The following MS4A5 variants were observed in gnomAD, a reference collection of about 807,000 sequenced individuals.
MS4A5 encodes the protein membrane-spanning 4-domains subfamily A member 5.
A neutral mutation model predicts 18.2 loss-of-function variants in MS4A5; 15 were observed. That is an observed-to-expected ratio of 0.83 (90% CI 0.55 to 1.27). The LOEUF (loss-of-function observed/expected upper bound fraction) is 1.27, where lower values mean the gene tolerates loss of function less well. Ranked by LOEUF, MS4A5 falls within the 50% of genes most tolerant of loss-of-function variation. The probability of loss-of-function intolerance (pLI) is 0.00; values close to 1 mark genes in which losing one functional copy is unlikely to be tolerated. For synonymous variants in MS4A5, 89 were observed against 78.7 expected (o/e 1.13, Z -0.69); for missense variants, 232 against 225.7 (o/e 1.03, Z -0.18).
rs773276973 is a variant in MS4A5, at chr11:60,430,973, T to C, written c.282+49T>C. On this transcript the variant is annotated intron_variant, in intron 2 of 4. Transcript: ENST00000300190. ...ATTTGAAGCCATGCCAACCAGGATG[T>C]TAGGGAATTCTTCACAATGAAATAA... is the stretch of plus-strand genomic sequence containing the variant. The C allele has an allele frequency of 7.6e-6, 12 of 1,577,098 alleles. No individual in the cohort carries two copies. The South Asian group carries it at 1.4e-4, about 18-fold the overall frequency.
intron 4 of MS4A5, among the ~76,000 whole-genome samples, chr11:60,436,674 G>A (rs61321360): frequency 0.044 from 5,838 of 133,780 alleles, 684 homozygotes; most frequent in African/African-American, 0.14. Flanking sequence ...GGGTATCAGC[G>A]ATGGAAGATG....
At position 60,433,837 on chromosome 11, in the gene MS4A5, G is replaced by T. The variant is rs541606192; in HGVS notation, c.412G>T (p.Gly138Cys). 1.2e-6 allele frequency: 2 copies of T among 1,613,816 alleles called. No homozygotes were observed. The highest frequency in any genetic ancestry group is 1.3e-5 in the African/African-American group (1 of 75,012). Residue 138 changes from glycine to cysteine, a missense_variant, in exon 4 of 5, where the codon GGT becomes TGT. Physicochemically the swap from Gly to Cys is radical, Grantham distance 159. Transcript: ENST00000300190. Reference protein sequence around the residue: ...AIAGIILLTFGFILDQNYICG... With the variant: ...AIAGIILLTFCFILDQNYICG... ...AGCTGGAATCATTCTCCTCACATTT[G>T]GTTTCATCCTAGATCAAAACTACAT...
chr11:60,444,907 T>C (rs902846476), intron 4 of MS4A5, among the ~76,000 whole-genome samples: 2 of 152,246 alleles, frequency 1.3e-5, no homozygotes, highest in Non-Finnish European at 2.9e-5. Flanking sequence ...TCTCATGATA[T>C]AGACAAAAAT....
intron 4 of MS4A5, among the ~76,000 whole-genome samples, chr11:60,446,993 A>G (rs180989763): frequency 2.6e-5 from 4 of 151,120 alleles, no homozygotes; most frequent in African/African-American, 9.9e-5. Flanking sequence ...TCAAAAATGT[A>G]TTTTTATATG....
intron 2 of MS4A5, 130 bp downstream of exon 2, chr11:60,431,054 A>C: frequency 1.1e-6 from 1 of 945,202 alleles, no homozygotes; most frequent in Non-Finnish European, 1.6e-6. Flanking sequence ...ACCTTGTTGA[A>C]ATTATTTCCC....
chr11:60,443,223 T>C (rs912456761), intron 4 of MS4A5, among the ~76,000 whole-genome samples: 7 of 152,146 alleles, frequency 4.6e-5, no homozygotes, highest in African/African-American at 1.7e-4. Flanking sequence ...TAGAACATTT[T>C]CAAGAATTAG....
intron 4 of MS4A5, among the ~76,000 whole-genome samples, chr11:60,443,003 T>C (rs150289543): frequency 0.04 from 6,128 of 152,144 alleles, 331 homozygotes; most frequent in African/African-American, 0.1. Flanking sequence ...TAGCAGGGCA[T>C]GGTGGTGGGC....
At chr11:60,441,456 T>TAAAAA (rs201729443) in intron 4 of MS4A5, among the ~76,000 whole-genome samples, 28 of 105,816 alleles carry the variant, frequency 2.6e-4, no homozygotes, top group Non-Finnish European at 3.5e-4. Context: ...AAAAGGCCAT[T>TAAAAA]AAAAAAAAAA....
intron 4 of MS4A5, among the ~76,000 whole-genome samples, chr11:60,437,950 G>T (rs912112489): frequency 1.3e-5 from 2 of 151,968 alleles, no homozygotes; most frequent in Admixed American, 6.6e-5. Context: ...AACTCTCCAC[G>T]CCAAATCAAC....
At chr11:60,435,255 G>T (rs1313491289) in intron 4 of MS4A5, among the ~76,000 whole-genome samples, 1 of 151,570 alleles carries the variant, frequency 6.6e-6, no homozygotes, top group Non-Finnish European at 1.5e-5. Flanking sequence ...AAAATTAACA[G>T]TAAGCACTCA....
intron 4 of MS4A5, among the ~76,000 whole-genome samples, chr11:60,437,788 C>T (rs1034215017): frequency 4.0e-5 from 6 of 150,896 alleles, no homozygotes; most frequent in African/African-American, 1.5e-4. Context: ...CCTGAGTGAC[C>T]TACAAAGAGA....
chr11:60,434,037 C>G, intron 4 of MS4A5, 120 bp downstream of exon 4: 1 of 889,114 alleles, frequency 1.1e-6, no homozygotes, highest in East Asian at 2.5e-5. Flanking sequence ...TACTGACAAA[C>G]ATTTATGAAA....
chr11:60,435,931 C>T (rs1025906116), intron 4 of MS4A5, among the ~76,000 whole-genome samples: 7 of 152,244 alleles, frequency 4.6e-5, no homozygotes, highest in African/African-American at 1.4e-4. Flanking sequence ...GATCCCACGA[C>T]AGCTCAAGGA....
At chr11:60,435,073 G>A (rs894589) in intron 4 of MS4A5, among the ~76,000 whole-genome samples, 2,184 of 152,232 alleles carry the variant, frequency 0.014, 53 homozygotes, top group African/African-American at 0.05. Flanking sequence ...CTCCTTGCAC[G>A]CCCCAATCCC....
At chr11:60,446,979 TA>T (rs1202566915) in intron 4 of MS4A5, among the ~76,000 whole-genome samples, 2 of 152,162 alleles carry the variant, frequency 1.3e-5, no homozygotes, top group African/African-American at 4.8e-5. Flanking sequence ...CCTACATATA[TA>T]AATCAAAAAT....
Position 60,433,936 on chromosome 11 carries a change from T to C in MS4A5, c.492+19T>C, listed in dbSNP as rs747941934. 6.2e-6 allele frequency: 10 copies of C among 1,610,520 alleles called. No individual in the cohort carries two copies. Among genetic ancestry groups the C allele is most frequent in the Middle Eastern group, 1.6e-4 (1 of 6,078 alleles). ...GTTCTTGGTAAGTATGTTGCATTTA[T>C]AGAGTGATGAGTAAAGGGCTTAATA... On this transcript the variant is annotated intron_variant, in intron 4 of 4. Coordinates refer to ENST00000300190, the MANE Select transcript of MS4A5 (RefSeq NM_023945.3).
At chr11:60,446,744 A>C (rs1223050027) in intron 4 of MS4A5, among the ~76,000 whole-genome samples, 2 of 151,800 alleles carry the variant, frequency 1.3e-5, no homozygotes, top group Admixed American at 6.6e-5. Flanking sequence ...AAAAAAAAAA[A>C]AAAGACAAAA....
Position 60,433,926 on chromosome 11 carries a change from G to GTTGCAT in MS4A5, c.492+12_492+17dup. On this transcript the variant is annotated intron_variant, in intron 4 of 4. Coordinates refer to ENST00000300190, the MANE Select transcript of MS4A5 (RefSeq NM_023945.3). Reference sequence around the variant, plus strand: ...TTACTGTCCTGTTCTTGGTAAGTATGTTGCATTTATAGAGTGATGAGTAAA... The same window carrying GTTGCAT: ...TTACTGTCCTGTTCTTGGTAAGTATGTTGCATTTGCATTTATAGAGTGATGAGTAAA... The GTTGCAT allele has an allele frequency of 6.2e-7, 1 of 1,612,930 alleles. No individual in the cohort carries two copies. Among genetic ancestry groups the GTTGCAT allele is most frequent in the African/African-American group, 1.3e-5 (1 of 74,992 alleles).
At chr11:60,438,567 C>T (rs1325393206) in intron 4 of MS4A5, among the ~76,000 whole-genome samples, 4 of 151,890 alleles carry the variant, frequency 2.6e-5, no homozygotes, top group East Asian at 1.9e-4. Context: ...ATCAAATAGA[C>T]GCAATAAAAA....
Sources: allele counts gnomAD v4.1 joint callset (sites outside exome capture counted in the v4.1 genomes callset), GRCh38; gene constraint gnomAD v4.1.1; transcripts MANE v1.5; gene names NCBI Gene and HGNC (gene_info 2026-07-23, HGNC 2026-07-21).